NINL: variants seen among roughly 807,000 people sequenced by gnomAD.
The protein encoded by NINL is ninein like, also known as ninein-like protein.
A neutral mutation model predicts 160.3 loss-of-function variants in NINL; 153 were observed. The ratio of observed to expected loss-of-function variants is 0.95; its 90% CI spans 0.84 to 1.09. The LOEUF (loss-of-function observed/expected upper bound fraction) is 1.09. NINL is among the 50% of genes least tolerant of loss of function. NINL has a pLI of 0.00. For synonymous variants in NINL, 800 were observed against 734.8 expected, an observed-to-expected ratio of 1.09 and a Z score of -1.43; for missense variants, 1,829 against 1,764.0, an observed-to-expected ratio of 1.04 and a Z score of -0.66.
At position 25,566,966 on chromosome 20, in the gene NINL, C is replaced by T. The variant is rs147227317; in HGVS notation, c.-12+18489G>A. Among the ~76,000 whole-genome samples the T allele has an allele frequency of 2.3e-3, 332 of 143,130 alleles. 8 individuals are homozygous for T. The East Asian group carries it at 0.07, about 30-fold the overall frequency. The allele number at this position is 143,130 out of a possible 152,430, so 93.9% of individuals were successfully genotyped here. A position where few individuals can be genotyped will look rare whatever the true frequency, so the allele number is the denominator to read the frequency against. On this transcript the variant is annotated intron_variant, in intron 1 of 23. Coordinates refer to ENST00000278886, the MANE Select transcript of NINL (RefSeq NM_025176.6). ...GCCAGGAGTTTGAGACCAGCCTGGG[C>T]AACACAGTGAGACAAAAAAAAATCT...
At chr20:25,569,865 G>A (rs1017973183) in intron 1 of NINL, among the ~76,000 whole-genome samples, 9 of 152,108 alleles carry the variant, frequency 5.9e-5, no homozygotes, top group South Asian at 2.1e-4. Context: ...CAGGAGCCTC[G>A]CTGGCACATC....
At position 25,455,668 on chromosome 20, in the gene NINL, C is replaced by T. The variant is rs868001968; in HGVS notation, c.3957+5G>A. 7 of 1,606,174 alleles carry T rather than the reference C, an allele frequency of 4.4e-6. No homozygotes were observed. The highest frequency in any genetic ancestry group is 6.0e-6 in the Non-Finnish European group (7 of 1,172,852). On this transcript the variant is annotated splice_donor_5th_base_variant and intron_variant, in intron 23 of 23. Transcript: ENST00000278886. The stretch of plus-strand genomic sequence containing the variant: ...AACACGAAAGCAGCAGCGCCCATCA[C>T]TCACCTGCTCCTTCAGCTTATCCAC...
rs558479126 is a variant in NINL at position 25,488,550 on chromosome 20, C to T, written c.1677+694G>A. On this transcript the variant is annotated intron_variant, in intron 13 of 23. Transcript: ENST00000278886. Reference sequence around the variant, plus strand: ...CCTTCACTCATTCTCTTTCGGGGCACGTGGCAGTTCCAGATGCTCTGTGTC... The same window carrying T: ...CCTTCACTCATTCTCTTTCGGGGCATGTGGCAGTTCCAGATGCTCTGTGTC... 9.9e-5 allele frequency among the ~76,000 whole-genome samples: 15 copies of T among 151,922 alleles called. No homozygotes were observed. In the South Asian group the frequency reaches 1.2e-3, roughly 13 times the overall value.
At chr20:25,566,846 C>A (rs928578771) in intron 1 of NINL, among the ~76,000 whole-genome samples, 2 of 152,010 alleles carry the variant, frequency 1.3e-5, no homozygotes, top group Non-Finnish European at 2.9e-5. Flanking sequence ...CAAAGCAACA[C>A]CATTGTAACA....
At chr20:25,510,440 C>T (rs2146866280) in intron 5 of NINL, among the ~76,000 whole-genome samples, 1 of 152,358 alleles carries the variant, frequency 6.6e-6, no homozygotes, top group African/African-American at 2.4e-5. Context: ...CGGCCACGGG[C>T]CTCTGCCCCT....
In NINL at chr20:25,469,200, C is replaced by T. The variant is rs560583760; in HGVS notation, c.3353+791G>A. On this transcript the variant is annotated intron_variant, in intron 18 of 23. Coordinates refer to ENST00000278886, the MANE Select transcript of NINL (RefSeq NM_025176.6). ...GTGAGTGTCCCCTTGCCCTGTCCCC[C>T]GACTCTCACTGGTGGGCGCCCGCCT... is the stretch of plus-strand genomic sequence containing the variant. Among the ~76,000 whole-genome samples the T allele has an allele frequency of 4.8e-4, 61 of 127,476 alleles. 5 individuals are homozygous for T. The highest frequency in any genetic ancestry group is 3.8e-3 in the Admixed American group (51 of 13,310). The allele number at this position is 127,476 out of a possible 152,430, so 83.6% of individuals were successfully genotyped here. A position where few individuals can be genotyped will look rare whatever the true frequency, so the allele number is the denominator to read the frequency against.
In NINL at chr20:25,496,800, C is replaced by A; in HGVS notation, c.1173G>T (p.Gly391=). ...CYHQELSYQQ[G]QVEQLARERD... is the part of the protein sequence containing the mutation. ...GCTCCCTTGCCAGCTGCTCCACCTG[C>A]CCTCTGCCACAGGAAGGAGACAGGG... Residue 391 remains glycine (G), a synonymous_variant, in exon 10 of 24, where the codon GGG becomes GGT. Coordinates refer to ENST00000278886, the MANE Select transcript of NINL (RefSeq NM_025176.6). 6.2e-7 allele frequency: 1 copy of A among 1,613,786 alleles called. No individual in the cohort carries two copies. Among genetic ancestry groups the A allele is most frequent in the Non-Finnish European group, 8.5e-7 (1 of 1,179,892 alleles).
chr20:25,458,916 C>G, intron 21 of NINL: 1 of 195,636 alleles, frequency 5.1e-6, no homozygotes, highest in Non-Finnish European at 1.0e-5. Context: ...CAGGGCTACA[C>G]TGGCCACAGA....
In NINL at chr20:25,485,191, C is replaced by T. The variant is rs896388769; in HGVS notation, c.1678-3091G>A. The stretch of plus-strand genomic sequence containing the variant: ...ATGCACTGAGGGAAGCAGAACTCGG[C>T]CAGCAGGTAACATGTTGCTTCGATG... On this transcript the variant is annotated intron_variant, in intron 13 of 23. Coordinates refer to ENST00000278886, the MANE Select transcript of NINL (RefSeq NM_025176.6). Among the ~76,000 whole-genome samples, 19 of 152,166 alleles carry T rather than the reference C, an allele frequency of 1.2e-4. 1 individual carries two copies. Among genetic ancestry groups the T allele is most frequent in the Admixed American group, 1.0e-3 (16 of 15,286 alleles).
At chr20:25,502,439 A>G (rs2063887418) in intron 7 of NINL, among the ~76,000 whole-genome samples, 1 of 152,208 alleles carries the variant, frequency 6.6e-6, no homozygotes. Flanking sequence ...TGGTCTCCTC[A>G]AACTGCAGAG....
chr20:25,489,463 C>A, intron 12 of NINL, 139 bp from the exon 13 acceptor site: 1 of 694,856 alleles, frequency 1.4e-6, no homozygotes, highest in Non-Finnish European at 2.5e-6. Context: ...CCGCCATCCC[C>A]CCTCCTTCTC....
intron 21 of NINL, among the ~76,000 whole-genome samples, chr20:25,461,093 CCT>C (rs2062775080): frequency 6.6e-6 from 1 of 152,214 alleles, no homozygotes; most frequent in African/African-American, 2.4e-5. Context: ...ACCTCCCGCG[CCT>C]CTCACCTGCG....
intron 11 of NINL, among the ~76,000 whole-genome samples, chr20:25,490,673 C>T (rs912925289): frequency 6.6e-6 from 1 of 151,918 alleles, no homozygotes; most frequent in African/African-American, 2.4e-5. Flanking sequence ...AGATATCGTA[C>T]CAGGACAGCT....
At chr20:25,508,914 C>A (rs1429702131) in intron 5 of NINL, among the ~76,000 whole-genome samples, 1 of 152,250 alleles carries the variant, frequency 6.6e-6, no homozygotes, top group African/African-American at 2.4e-5. Flanking sequence ...AAGCACATGA[C>A]ACCCCCCTGT....
intron 1 of NINL, among the ~76,000 whole-genome samples, chr20:25,567,185 A>G (rs991465845): frequency 2.8e-4 from 42 of 152,344 alleles, no homozygotes; most frequent in African/African-American, 1.0e-3. Context: ...AGAATCAACG[A>G]GCTTGAAAAT....
chr20:25,453,527 C>T lies in NINL; in HGVS notation c.4073G>A (p.Ser1358Asn), dbSNP rs34802534. 321 of 1,614,102 alleles carry T rather than the reference C, an allele frequency of 2.0e-4. 1 individual carries two copies. The African/African-American group carries it at 3.9e-3, about 19-fold the overall frequency. ...EEKQRGAEKQ[S>N]RLLEEKVRAL... Reference sequence around the variant, plus strand: ...GCGAACTTTTTCTTCCAAGAGGCGGCTTTGTTTCTCGGCGCCTCGCTGCTT... The same window carrying T: ...GCGAACTTTTTCTTCCAAGAGGCGGTTTTGTTTCTCGGCGCCTCGCTGCTT... The change falls in exon 24 of 24, where the codon AGC (serine) becomes AAC (asparagine). Residue 1358 changes from serine to asparagine, a missense_variant. Physicochemically the swap from Ser to Asn is conservative, Grantham distance 46. Transcript: ENST00000278886.
intron 4 of NINL, among the ~76,000 whole-genome samples, chr20:25,511,197 G>A (rs768606638): frequency 6.6e-6 from 1 of 152,114 alleles, no homozygotes; most frequent in Non-Finnish European, 1.5e-5. Context: ...ACGCCTCTCT[G>A]CACCTTTCCC....
intron 1 of NINL, among the ~76,000 whole-genome samples, chr20:25,562,055 C>T (rs2064948070): frequency 2.0e-5 from 3 of 147,552 alleles, no homozygotes; most frequent in Admixed American, 6.7e-5. Context: ...CGGCCAGCCG[C>T]CCCGTCCGGG....
chr20:25,562,669 C>G (rs1192588127), intron 1 of NINL, among the ~76,000 whole-genome samples: 1 of 149,614 alleles, frequency 6.7e-6, no homozygotes, highest in Non-Finnish European at 1.5e-5. Flanking sequence ...CCTAGGAAAA[C>G]CAGAGACCTT....
Sources: allele counts gnomAD v4.1 joint callset (sites outside exome capture counted in the v4.1 genomes callset), GRCh38; gene constraint gnomAD v4.1.1; transcripts MANE v1.5; gene names NCBI Gene and HGNC (gene_info 2026-07-23, HGNC 2026-07-21).